CNTN4: variants seen among roughly 807,000 people sequenced by gnomAD.
CNTN4 encodes contactin-4.
CNTN4 carries 77 observed loss-of-function variants against 122.5 expected under a neutral mutation model. The observed-to-expected ratio is 0.63, with a 90% confidence interval of 0.52 to 0.76. The LOEUF (loss-of-function observed/expected upper bound fraction) is 0.76, where lower values mean the gene tolerates loss of function less well. CNTN4 is among the 30% of genes least tolerant of loss of function. The pLI is 0.00. For missense variants in CNTN4, 1,256 were observed against 1,259.1 expected, an observed-to-expected ratio of 1.00 and a Z score of 0.04; for synonymous variants, 512 against 447.0, an observed-to-expected ratio of 1.15 and a Z score of -1.83.
At chr3:2,428,950 T>A (rs2151179547) in intron 3 of CNTN4, among the ~76,000 whole-genome samples, 1 of 152,348 alleles carries the variant, frequency 6.6e-6, no homozygotes, top group East Asian at 1.9e-4. Context: ...TTCTCTGCGC[T>A]GTTGATTCTA....
intron 2 of CNTN4, among the ~76,000 whole-genome samples, chr3:2,206,738 A>C (rs944091781): frequency 1.3e-5 from 2 of 152,130 alleles, no homozygotes; most frequent in African/African-American, 4.8e-5. Context: ...TTTGCTTAGT[A>C]TGCATTATTT....
chr3:3,034,515 A>T, intron 16 of CNTN4, 117 bp from the exon 17 acceptor site: 1 of 1,112,772 alleles, frequency 9.0e-7, no homozygotes, highest in Middle Eastern at 2.1e-4. Flanking sequence ...TTGACAAGTG[A>T]TGAATCTGTG....
At chr3:2,432,489 G>A (rs530051887) in intron 3 of CNTN4, among the ~76,000 whole-genome samples, 37 of 152,224 alleles carry the variant, frequency 2.4e-4, no homozygotes, top group Middle Eastern at 3.4e-3. Flanking sequence ...GGTCTCTGAG[G>A]AAGTAGCACT....
chr3:2,714,791 G>A (rs1178850983), intron 4 of CNTN4, among the ~76,000 whole-genome samples: 1 of 152,094 alleles, frequency 6.6e-6, no homozygotes, highest in Non-Finnish European at 1.5e-5. Context: ...AGGCTGGAGT[G>A]CACTGGCACT....
At chr3:2,558,065 T>C (rs2078795541) in intron 3 of CNTN4, among the ~76,000 whole-genome samples, 2 of 152,176 alleles carry the variant, frequency 1.3e-5, no homozygotes, top group Admixed American at 6.5e-5. Flanking sequence ...CAAAAAGATA[T>C]TAAAAACTCT....
At chr3:2,624,871 G>T (rs751267589) in intron 4 of CNTN4, among the ~76,000 whole-genome samples, 10 of 151,782 alleles carry the variant, frequency 6.6e-5, no homozygotes, top group Non-Finnish European at 1.2e-4. Context: ...TGGCCTCAAT[G>T]ATCCACCCAC....
intron 2 of CNTN4, among the ~76,000 whole-genome samples, chr3:2,318,005 T>A (rs1170079027): frequency 6.6e-6 from 1 of 152,158 alleles, no homozygotes; most frequent in African/African-American, 2.4e-5. Context: ...TAAGTTATAA[T>A]TAACTTGAAT....
chr3:2,329,476 T>C (rs2043627143), intron 2 of CNTN4, among the ~76,000 whole-genome samples: 1 of 152,200 alleles, frequency 6.6e-6, no homozygotes, highest in South Asian at 2.1e-4. Context: ...CTTTACACCT[T>C]ACATTTTGTT....
At chr3:2,195,048 C>T (rs1359900706) in intron 2 of CNTN4, among the ~76,000 whole-genome samples, 1 of 152,102 alleles carries the variant, frequency 6.6e-6, no homozygotes, top group Non-Finnish European at 1.5e-5. Flanking sequence ...GACTTTATAT[C>T]CTTTGATCCC....
intron 3 of CNTN4, among the ~76,000 whole-genome samples, chr3:2,466,970 C>CTTTCTTTTTTTTTTTTTTTTTTTT (rs1392656721): frequency 2.6e-5 from 3 of 115,810 alleles, no homozygotes; most frequent in African/African-American, 1.0e-4. Flanking sequence ...TTCTTTCTTT[C>CTTTCTTTTTTTTTTTTTTTTTTTT]TTTTTTTTTT....
chr3:2,995,985 A>G (rs1274138066), intron 14 of CNTN4, among the ~76,000 whole-genome samples: 1 of 152,198 alleles, frequency 6.6e-6, no homozygotes, highest in East Asian at 1.9e-4. Context: ...AGAATAATAC[A>G]TATGGTATCA....
At chr3:2,826,413 T>C (rs2092990165) in intron 7 of CNTN4, among the ~76,000 whole-genome samples, 1 of 152,324 alleles carries the variant, frequency 6.6e-6, no homozygotes, top group South Asian at 2.1e-4. Context: ...GACATACCCA[T>C]ACAGATTATA....
chr3:2,694,691 C>T (rs576776673), intron 4 of CNTN4, among the ~76,000 whole-genome samples: 4 of 152,140 alleles, frequency 2.6e-5, no homozygotes, highest in Non-Finnish European at 5.9e-5. Context: ...GTCGTGCCAC[C>T]GCACTCCAGC....
chr3:2,901,074 G>A (rs1186183033), intron 11 of CNTN4, among the ~76,000 whole-genome samples: 1 of 152,138 alleles, frequency 6.6e-6, no homozygotes, highest in Non-Finnish European at 1.5e-5. Flanking sequence ...TTTATAATGG[G>A]AAAGTTATGC....
At chr3:2,314,264 A>G (rs1264764271) in intron 2 of CNTN4, among the ~76,000 whole-genome samples, 5 of 152,040 alleles carry the variant, frequency 3.3e-5, no homozygotes, top group South Asian at 2.1e-4. Context: ...ATACATATGT[A>G]TATATATTAG....
chr3:2,729,468 T>C (rs373907339), intron 4 of CNTN4, among the ~76,000 whole-genome samples: 9 of 128,266 alleles, frequency 7.0e-5, no homozygotes, highest in African/African-American at 2.4e-4. Context: ...CGCTCAAACC[T>C]GGGAGGTGGA....
At chr3:2,292,349 C>T (rs1350062616) in intron 2 of CNTN4, among the ~76,000 whole-genome samples, 1 of 152,180 alleles carries the variant, frequency 6.6e-6, no homozygotes, top group Non-Finnish European at 1.5e-5. Flanking sequence ...CAGTACCAAA[C>T]ATGTATTAGG....
chr3:3,005,973 C>T (rs979198981), intron 14 of CNTN4, among the ~76,000 whole-genome samples: 2 of 150,278 alleles, frequency 1.3e-5, no homozygotes, highest in Non-Finnish European at 2.9e-5. Context: ...GCCAGCTCTG[C>T]CTCCCAGGTT....
At chr3:2,161,648 C>T (rs2035972269) in intron 2 of CNTN4, among the ~76,000 whole-genome samples, 1 of 152,050 alleles carries the variant, frequency 6.6e-6, no homozygotes, top group Non-Finnish European at 1.5e-5. Context: ...CGGAGGAGTT[C>T]TGAGTTCTGG....
Sources: allele counts gnomAD v4.1 joint callset (sites outside exome capture counted in the v4.1 genomes callset), GRCh38; gene constraint gnomAD v4.1.1; transcripts MANE v1.5; gene names NCBI Gene and HGNC (gene_info 2026-07-23, HGNC 2026-07-21).